The following ADGRL4 variants were observed in gnomAD, a reference collection of about 807,000 sequenced individuals.
ADGRL4 encodes the protein adhesion G protein-coupled receptor L4.
ADGRL4 carries 90 observed loss-of-function variants against 74.8 expected under a neutral mutation model. The observed-to-expected ratio is 1.20, with a 90% CI of 1.02 to 1.43. The LOEUF (loss-of-function observed/expected upper bound fraction) is 1.43. Among genes scored for constraint, ADGRL4 ranks in the 40% most tolerant of loss-of-function variants. The pLI, the probability that ADGRL4 is intolerant of heterozygous loss-of-function variation, is 0.00. For missense variants in ADGRL4, 881 were observed against 814.3 expected, an observed-to-expected ratio of 1.08 and a Z score of -1.00; for synonymous variants, 311 against 279.2, an observed-to-expected ratio of 1.11 and a Z score of -1.14.
At chr1:78,953,642 G>A (rs567615264) in intron 2 of ADGRL4, among the ~76,000 whole-genome samples, 1 of 152,252 alleles carries the variant, frequency 6.6e-6, no homozygotes, top group African/African-American at 2.4e-5. Context: ...TGTGTGTGAA[G>A]AAAATATTCA....
chr1:78,963,512 ATG>A (rs1455230202), intron 2 of ADGRL4, among the ~76,000 whole-genome samples: 1 of 152,176 alleles, frequency 6.6e-6, no homozygotes, highest in Non-Finnish European at 1.5e-5. Context: ...ATCTAATTGG[ATG>A]TGTATATTTG....
chr1:78,937,722 A>G, intron 6 of ADGRL4, 85 bp downstream of exon 6: 1 of 1,222,990 alleles, frequency 8.2e-7, no homozygotes, highest in African/African-American at 1.5e-5. Flanking sequence ...TAGTTTCAAC[A>G]CCATGCCTCC....
At chr1:78,893,644 T>C (rs1192404452) in intron 12 of ADGRL4, among the ~76,000 whole-genome samples, 2 of 151,938 alleles carry the variant, frequency 1.3e-5, no homozygotes, top group Non-Finnish European at 1.5e-5. Flanking sequence ...CAGTTTCTAA[T>C]GTGAGGAAAT....
chr1:78,934,209 A>G (rs547435654), intron 7 of ADGRL4, among the ~76,000 whole-genome samples: 1 of 152,330 alleles, frequency 6.6e-6, no homozygotes, highest in Admixed American at 6.5e-5. Context: ...ACAGCATGGT[A>G]CTAGTACCAA....
Position 79,006,668 on chromosome 1 carries a change from A to T in ADGRL4, c.-14T>A. The T allele has an allele frequency of 1.3e-6, 2 of 1,495,806 alleles. No individual in the cohort carries two copies. The highest frequency in any genetic ancestry group is 1.8e-6 in the Non-Finnish European group (2 of 1,124,392). 92.7% of individuals were successfully genotyped at this position (1,495,806 alleles called of 1,614,324 possible). A position where few individuals can be genotyped will look rare whatever the true frequency, so the allele number is the denominator to read the frequency against. On this transcript the variant is annotated 5_prime_UTR_variant, in exon 1 of 15. Transcript: ENST00000370742. Reference sequence around the variant, plus strand: ...GAGGCGTTTCATTGGCGGTGGCCGCAGTGGTGGCGGTGGCGGAGAGCGCGG... The same window carrying T: ...GAGGCGTTTCATTGGCGGTGGCCGCTGTGGTGGCGGTGGCGGAGAGCGCGG...
intron 2 of ADGRL4, among the ~76,000 whole-genome samples, chr1:78,989,976 C>T (rs1178541070): frequency 5.3e-5 from 8 of 151,872 alleles, no homozygotes; most frequent in African/African-American, 9.7e-5. Context: ...CTCCAAGGCC[C>T]TGACTCTCAC....
chr1:78,936,464 A>T (rs965516942), intron 6 of ADGRL4, 53 bp from the exon 7 acceptor site: 12 of 1,395,368 alleles, frequency 8.6e-6, no homozygotes, highest in African/African-American at 4.5e-5. Context: ...ATCAATATAC[A>T]TCATAAATAT....
intron 3 of ADGRL4, among the ~76,000 whole-genome samples, chr1:78,945,141 G>A (rs1649568346): frequency 7.0e-6 from 1 of 143,426 alleles, no homozygotes; most frequent in Non-Finnish European, 1.5e-5. Context: ...CTCCAGCCTG[G>A]GCGACAGAGC....
intron 2 of ADGRL4, among the ~76,000 whole-genome samples, chr1:78,960,524 TGTGA>T (rs779287849): frequency 4.6e-5 from 7 of 152,198 alleles, no homozygotes; most frequent in South Asian, 2.1e-4. Context: ...CAAAGCTAAC[TGTGA>T]GTAAGGCATG....
rs71643215 is a variant in ADGRL4 at position 78,897,418 on chromosome 1, G to A, written c.1750-4229C>T. ...TTTGCTCACCCTGGCTTGCCATTCA[G>A]TAGGAATCCTGTTAAGTCAGTTTAG... On this transcript the variant is annotated intron_variant, in intron 12 of 14. Coordinates refer to ENST00000370742, the MANE Select transcript of ADGRL4 (RefSeq NM_022159.4). Among the ~76,000 whole-genome samples the A allele has an allele frequency of 4.7e-3, 713 of 152,184 alleles. 4 individuals are homozygous for A. The highest frequency in any genetic ancestry group is 5.8e-3 in the Non-Finnish European group (396 of 67,990).
chr1:78,996,890 T>G (rs1045511422), intron 2 of ADGRL4, among the ~76,000 whole-genome samples: 1 of 152,190 alleles, frequency 6.6e-6, no homozygotes, highest in African/African-American at 2.4e-5. Flanking sequence ...AGGAAATCAT[T>G]TGGGGTAAAC....
chr1:78,959,834 G>A (rs1649908614), intron 2 of ADGRL4, among the ~76,000 whole-genome samples: 1 of 152,054 alleles, frequency 6.6e-6, no homozygotes, highest in Non-Finnish European at 1.5e-5. Flanking sequence ...CACCAAAGGT[G>A]GCCATATATT....
In ADGRL4 at chr1:78,889,827, G is replaced by A. The variant is rs183457163; in HGVS notation, c.*1327C>T. The A allele has an allele frequency of 3.1e-4, 145 of 461,690 alleles. No individual in the cohort carries two copies. The highest frequency in any genetic ancestry group is 2.7e-3 in the African/African-American group (136 of 49,780). 28.6% of individuals were successfully genotyped at this position (461,690 alleles called of 1,614,324 possible). ...GGCAGACTTCATTTCAACAGCTGGA[G>A]GAATTAATTTAAAATCACAAATTTA... On this transcript the variant is annotated 3_prime_UTR_variant, in exon 15 of 15. Coordinates refer to ENST00000370742, the MANE Select transcript of ADGRL4 (RefSeq NM_022159.4).
chr1:78,939,519 T>G (rs746010782), intron 3 of ADGRL4: 5 of 225,284 alleles, frequency 2.2e-5, no homozygotes, highest in Non-Finnish European at 4.1e-5. Flanking sequence ...TTTCATTTCT[T>G]TGTTCCATAG....
At chr1:78,945,673 A>G (rs939161367) in intron 3 of ADGRL4, among the ~76,000 whole-genome samples, 50 of 152,182 alleles carry the variant, frequency 3.3e-4, no homozygotes, top group African/African-American at 1.2e-3. Flanking sequence ...CAATAAGTGA[A>G]CAATCACTTA....
chr1:78,990,213 C>T (rs1219713587), intron 2 of ADGRL4, among the ~76,000 whole-genome samples: 2 of 151,930 alleles, frequency 1.3e-5, no homozygotes, highest in Non-Finnish European at 2.9e-5. Flanking sequence ...TAATTTTGAA[C>T]ACTTGTCATA....
chr1:78,982,555 G>T (rs1350377707), intron 2 of ADGRL4, among the ~76,000 whole-genome samples: 1 of 151,646 alleles, frequency 6.6e-6, no homozygotes. Context: ...TTTTCCTTGG[G>T]CTAGCTTCCT....
intron 2 of ADGRL4, among the ~76,000 whole-genome samples, chr1:78,948,207 G>A (rs949051618): frequency 1.3e-5 from 2 of 152,082 alleles, no homozygotes; most frequent in Non-Finnish European, 2.9e-5. Context: ...TTACTGGGAA[G>A]ACAGAAGAGC....
intron 13 of ADGRL4, among the ~76,000 whole-genome samples, chr1:78,892,807 A>G (rs1371552519): frequency 6.6e-6 from 1 of 152,034 alleles, no homozygotes; most frequent in Non-Finnish European, 1.5e-5. Context: ...AAGTTCTGAA[A>G]AGCATTTTAC....
Sources: allele counts gnomAD v4.1 joint callset (sites outside exome capture counted in the v4.1 genomes callset), GRCh38; gene constraint gnomAD v4.1.1; transcripts MANE v1.5; gene names NCBI Gene and HGNC (gene_info 2026-07-23, HGNC 2026-07-21).